The following PARD3B variants were observed in gnomAD, a reference collection of about 807,000 sequenced individuals.
The protein encoded by PARD3B is partitioning defective 3 homolog B.
PARD3B carries 103 observed loss-of-function variants against 130.2 expected under a neutral mutation model. That is an observed-to-expected ratio of 0.79 (90% CI 0.67 to 0.93). The LOEUF (loss-of-function observed/expected upper bound fraction) is 0.93, where lower values mean the gene tolerates loss of function less well. PARD3B is among the 40% of genes least tolerant of loss of function. PARD3B has a pLI of 0.00. For synonymous variants in PARD3B, 583 were observed against 553.2 expected, an observed-to-expected ratio of 1.05 and a Z score of -0.76; for missense variants, 1,609 against 1,499.2, an observed-to-expected ratio of 1.07 and a Z score of -1.21.
chr2:205,508,277 A>AAT (rs1285995683), intron 21 of PARD3B, among the ~76,000 whole-genome samples: 6 of 152,158 alleles, frequency 3.9e-5, no homozygotes, highest in Non-Finnish European at 7.4e-5. Context: ...AGAGCCATTA[A>AAT]ATGTTTGTAT....
At chr2:205,129,881 T>C (rs1486137489) in intron 10 of PARD3B, among the ~76,000 whole-genome samples, 2 of 152,160 alleles carry the variant, frequency 1.3e-5, no homozygotes, top group Non-Finnish European at 2.9e-5. Flanking sequence ...TTCCTGGTCA[T>C]TTCTCCTGAC....
intron 4 of PARD3B, among the ~76,000 whole-genome samples, chr2:205,049,315 CT>C (rs920524826): frequency 3.3e-5 from 5 of 152,098 alleles, no homozygotes; most frequent in African/African-American, 1.2e-4. Context: ...ACATGTCCTT[CT>C]TCACAAGGAG....
In PARD3B at chr2:204,996,789, C is replaced by T. The variant is rs370750292; in HGVS notation, c.394+31466C>T. The stretch of plus-strand genomic sequence containing the variant: ...TGTGGGATATAGTCTCGTGGTGCGC[C>T]GTTTTTTAAGCCGGTCTGAAAAGCG... On this transcript the variant is annotated intron_variant, in intron 3 of 22. Transcript: ENST00000406610. Among the ~76,000 whole-genome samples the T allele has an allele frequency of 5.3e-3, 789 of 148,256 alleles. 49 individuals carry two copies. In the East Asian group the frequency reaches 0.13, roughly 25 times the overall value.
chr2:204,973,898 C>T (rs1464327869), intron 3 of PARD3B, among the ~76,000 whole-genome samples: 1 of 152,174 alleles, frequency 6.6e-6, no homozygotes, highest in Non-Finnish European at 1.5e-5. Context: ...GAGAAGCCAT[C>T]TCTATTTTGC....
At chr2:205,252,924 T>C (rs1038167496) in intron 16 of PARD3B, among the ~76,000 whole-genome samples, 3 of 145,020 alleles carry the variant, frequency 2.1e-5, no homozygotes, top group Admixed American at 7.0e-5. Flanking sequence ...GTGTCAGTGA[T>C]TAGCAATGGA....
rs576156098 is a variant in PARD3B, at chr2:205,426,269, A to ACT, written c.2742-14101_2742-14100insCT. On this transcript the variant is annotated intron_variant, in intron 19 of 22. Coordinates refer to ENST00000406610, the MANE Select transcript of PARD3B (RefSeq NM_001302769.2). ...TAATAATTTTAATACTACTACTACT[A>ACT]ATAATAATAATAATAGTAAACTCAC... Among the ~76,000 whole-genome samples the ACT allele has an allele frequency of 3.4e-3, 521 of 151,926 alleles. 1 individual carries two copies. Among genetic ancestry groups the ACT allele is most frequent in the African/African-American group, 0.012 (505 of 41,316 alleles).
At chr2:205,436,573 G>GT (rs929681378) in intron 19 of PARD3B, among the ~76,000 whole-genome samples, 4 of 151,662 alleles carry the variant, frequency 2.6e-5, no homozygotes, top group African/African-American at 9.7e-5. Flanking sequence ...TTCTACGGAA[G>GT]TTTTTTTTAA....
chr2:205,544,639 A>G (rs560842411), intron 21 of PARD3B, among the ~76,000 whole-genome samples: 1 of 152,332 alleles, frequency 6.6e-6, no homozygotes, highest in Admixed American at 6.5e-5. Flanking sequence ...TTAAGATGCC[A>G]TAGCCCAGTG....
rs1213217662 is a variant in PARD3B, at chr2:205,015,154, A to G, written c.395-32427A>G. Among the ~76,000 whole-genome samples, 1 of 152,212 alleles carries G rather than the reference A, an allele frequency of 6.6e-6. No individual in the cohort carries two copies. The highest frequency in any genetic ancestry group is 2.4e-5 in the African/African-American group (1 of 41,448). ...AACACCTATTTTGTATGTTATATGT[A>G]TTATGTATACAATATGTATTTTTAT... On this transcript the variant is annotated intron_variant, in intron 3 of 22. Coordinates refer to ENST00000406610, the MANE Select transcript of PARD3B (RefSeq NM_001302769.2). This position sits in a 1 kb window ranked among gnomAD's most constrained non-coding sequence, Gnocchi z 4.5.
intron 19 of PARD3B, among the ~76,000 whole-genome samples, chr2:205,417,369 G>C (rs567444240): frequency 1.9e-4 from 29 of 152,160 alleles, no homozygotes; most frequent in Admixed American, 1.8e-3. Flanking sequence ...TTGCTATTGT[G>C]AATAGTGCCG....
chr2:205,375,209 T>C (rs2105917742), intron 18 of PARD3B, among the ~76,000 whole-genome samples: 1 of 152,326 alleles, frequency 6.6e-6, no homozygotes, highest in East Asian at 1.9e-4. Flanking sequence ...ATGAAACTTT[T>C]TGTATTTATG....
chr2:204,959,044 C>T (rs568164091), intron 2 of PARD3B, among the ~76,000 whole-genome samples: 28 of 152,154 alleles, frequency 1.8e-4, no homozygotes, highest in South Asian at 1.0e-3. Context: ...TGTGCCATGG[C>T]GGTTTGCTAT....
intron 2 of PARD3B, among the ~76,000 whole-genome samples, chr2:204,712,064 A>G (rs2038466075): frequency 1.3e-5 from 2 of 152,208 alleles, no homozygotes; most frequent in Admixed American, 1.3e-4. Context: ...TCCCTGATAT[A>G]TGATGAATTT....
chr2:205,109,764 A>G (rs538375159), intron 5 of PARD3B, among the ~76,000 whole-genome samples: 1 of 141,826 alleles, frequency 7.1e-6, no homozygotes, highest in Admixed American at 7.6e-5. Flanking sequence ...AGTGATTCTT[A>G]TGCCTCAGCC....
Position 205,291,839 on chromosome 2 carries a change from A to C in PARD3B, c.2186-8691A>C, listed in dbSNP as rs902173992. ...GGATGTGGTCAAACAACTGTTTGATAAGGAGATTAGTATGGATCAGCCATC... is the reference window on the plus strand; with the variant it reads ...GGATGTGGTCAAACAACTGTTTGATCAGGAGATTAGTATGGATCAGCCATC... On this transcript the variant is annotated intron_variant, in intron 16 of 22. Coordinates refer to ENST00000406610, the MANE Select transcript of PARD3B (RefSeq NM_001302769.2). This position sits in a 1 kb window ranked among gnomAD's most constrained non-coding sequence, Gnocchi z 4.6. Among the ~76,000 whole-genome samples the C allele has an allele frequency of 3.9e-5, 6 of 152,210 alleles. No individual in the cohort carries two copies. Among genetic ancestry groups the C allele is most frequent in the Non-Finnish European group, 5.9e-5 (4 of 68,042 alleles).
intron 1 of PARD3B, among the ~76,000 whole-genome samples, chr2:204,612,726 A>AT (rs1192384155): frequency 6.6e-6 from 1 of 152,184 alleles, no homozygotes; most frequent in Non-Finnish European, 1.5e-5. Flanking sequence ...TTTTTAACAA[A>AT]TATCAGCAAT....
At chr2:205,075,319 CT>C (rs1485681786) in intron 4 of PARD3B, among the ~76,000 whole-genome samples, 2 of 151,998 alleles carry the variant, frequency 1.3e-5, no homozygotes, top group Non-Finnish European at 2.9e-5. Context: ...TACTAGTAAA[CT>C]TTGGTTACTT....
chr2:205,048,576 A>C (rs1698963386), intron 4 of PARD3B: 2 of 152,346 alleles, frequency 1.3e-5, no homozygotes, highest in South Asian at 2.1e-4. Context: ...TCTCACTTTA[A>C]GTCTCACTGT....
At chr2:204,597,895 T>G (rs1191782281) in intron 1 of PARD3B, among the ~76,000 whole-genome samples, 1 of 152,242 alleles carries the variant, frequency 6.6e-6, no homozygotes, top group African/African-American at 2.4e-5. Context: ...AAATATATCC[T>G]GCATCAAAGA....
Sources: allele counts gnomAD v4.1 joint callset (sites outside exome capture counted in the v4.1 genomes callset), GRCh38; gene constraint gnomAD v4.1.1; non-coding constraint Gnocchi (gnomAD v3.1); transcripts MANE v1.5; gene names NCBI Gene and HGNC (gene_info 2026-07-23, HGNC 2026-07-21).